Variants in RNPS1 observed in about 807,000 individuals in gnomAD.
RNPS1 encodes the protein RNA-binding protein with serine-rich domain 1.
For synonymous variants in RNPS1, 147 were observed against 150.0 expected (o/e 0.98, Z 0.15); for missense variants, 300 against 427.6 (o/e 0.70, Z 2.63).
chr16:2,262,077 T>A lies in RNPS1; in HGVS notation c.676+201A>T, dbSNP rs1382753359. 16 of 512,466 alleles carry A rather than the reference T, an allele frequency of 3.1e-5. No homozygotes were observed. The East Asian group carries it at 4.5e-4, about 15-fold the overall frequency. 31.7% of individuals were successfully genotyped at this position (512,466 alleles called of 1,614,324 possible). On this transcript the variant is annotated intron_variant, in intron 6 of 7. Coordinates refer to ENST00000320225, the MANE Select transcript of RNPS1 (RefSeq NM_080594.4). The stretch of plus-strand genomic sequence containing the variant: ...ATAAAAACTCCACCTACTCAGTTAA[T>A]GTGCATCTTGTTATTGGGCCATGAG...
intron 1 of RNPS1, chr16:2,267,000 C>T (rs1437375661): frequency 4.3e-5 from 12 of 281,140 alleles, no homozygotes; most frequent in Non-Finnish European, 6.5e-5. Flanking sequence ...GAGGTCACAC[C>T]CGCAGATTCC....
chr16:2,263,339 A>G (rs1567327289), intron 3 of RNPS1, 52 bp from the exon 4 acceptor site: 1 of 1,575,262 alleles, frequency 6.3e-7, no homozygotes, highest in Non-Finnish European at 8.7e-7. Flanking sequence ...CTCACAGTAC[A>G]GACGCCTCCT....
At position 2,264,168 on chromosome 16, in the gene RNPS1, C is replaced by A; in HGVS notation, c.227+8G>T. The A allele has an allele frequency of 6.2e-7, 1 of 1,612,504 alleles. No individual in the cohort carries two copies. The highest frequency in any genetic ancestry group is 8.5e-7 in the Non-Finnish European group (1 of 1,180,008). ...GTCCTCTCCAGGCTCCAGGCCAGCC[C>A]GCCCCACCTGGTACTGCTGCTACCA... On this transcript the variant is annotated splice_region_variant and intron_variant, in intron 3 of 7. Coordinates refer to ENST00000320225, the MANE Select transcript of RNPS1 (RefSeq NM_080594.4).
chr16:2,266,461 T>G (rs2093625636), intron 1 of RNPS1: 1 of 960,912 alleles, frequency 1.0e-6, no homozygotes, highest in Non-Finnish European at 1.2e-6. Context: ...GGTTTTACTG[T>G]GTGATTTTAG....
At chr16:2,262,536 C>T (rs907413044) in intron 5 of RNPS1, 105 bp from the exon 6 acceptor site, 21 of 1,219,994 alleles carry the variant, frequency 1.7e-5, no homozygotes, top group Non-Finnish European at 2.4e-5. Flanking sequence ...GTAAAACATT[C>T]CATCTGATGA....
chr16:2,268,060 C>G lies in RNPS1; in HGVS notation c.-123G>C. On this transcript the variant is annotated 5_prime_UTR_variant, in exon 1 of 8. Coordinates refer to ENST00000320225, the MANE Select transcript of RNPS1 (RefSeq NM_080594.4). ...CGGATTCCGCCCCAACTTACATCTT[C>G]CCGCCGCCGCCACCTCCTCCTGCTT... 6.5e-7 allele frequency: 1 copy of G among 1,534,984 alleles called. No homozygotes were observed. The highest frequency in any genetic ancestry group is 8.7e-7 in the Non-Finnish European group (1 of 1,146,648).
chr16:2,260,722 T>C (rs2093599693), intron 6 of RNPS1, among the ~76,000 whole-genome samples: 1 of 152,232 alleles, frequency 6.6e-6, no homozygotes, highest in Admixed American at 6.5e-5. Flanking sequence ...GAAAAAATTA[T>C]GGTTCTTGCT....
Position 2,264,189 on chromosome 16 carries a change from T to C in RNPS1, c.214A>G (p.Ser72Gly). 2 of 1,613,202 alleles carry C rather than the reference T, an allele frequency of 1.2e-6. No individual in the cohort carries two copies. Among genetic ancestry groups the C allele is most frequent in the Non-Finnish European group, 1.7e-6 (2 of 1,180,034 alleles). Residue 72 changes from serine (S) to glycine (G), a missense_variant, in exon 3 of 8, where the codon AGC becomes GGC. Transcript: ENST00000320225. ...TRKRRSASSG[S>G]SSTRSRSSST... Reference sequence around the variant, plus strand: ...AGCCCGCCCCACCTGGTACTGCTGCTACCACTGGAAGCGCTGCGCCTCTTT... The same window carrying C: ...AGCCCGCCCCACCTGGTACTGCTGCCACCACTGGAAGCGCTGCGCCTCTTT...
intron 1 of RNPS1, chr16:2,266,057 G>T: frequency 1.1e-6 from 1 of 941,948 alleles, no homozygotes; most frequent in Non-Finnish European, 1.3e-6. Flanking sequence ...ACAAGCTGCA[G>T]GAGTTGTTAA....
In RNPS1 at chr16:2,253,821, T is replaced by C. The variant is rs2093563157; in HGVS notation, c.*143A>G. On this transcript the variant is annotated 3_prime_UTR_variant, in exon 8 of 8. Transcript: ENST00000320225. ...AGCACTTCTGCAGCCGGGGCCCGGCTGGCAGAGGGGTGCTGCCTGCTGCCT... is the reference window on the plus strand; with the variant it reads ...AGCACTTCTGCAGCCGGGGCCCGGCCGGCAGAGGGGTGCTGCCTGCTGCCT... 5.3e-6 allele frequency: 4 copies of C among 761,550 alleles called. No individual in the cohort carries two copies. The Admixed American group carries it at 6.0e-5, about 11-fold the overall frequency. The allele number at this position is 761,550 out of a possible 1,614,324, so 47.2% of individuals were successfully genotyped here.
At chr16:2,264,845 A>G in intron 1 of RNPS1, 85 bp from the exon 2 acceptor site, 1 of 1,175,264 alleles carries the variant, frequency 8.5e-7, no homozygotes, top group Non-Finnish European at 1.1e-6. Context: ...GAGCACACAA[A>G]AAGGCAGCAA....
chr16:2,255,849 C>T (rs1325710772), intron 6 of RNPS1, 123 bp from the exon 7 acceptor site: 6 of 1,114,302 alleles, frequency 5.4e-6, no homozygotes, highest in African/African-American at 3.1e-5. Context: ...GAAACAGGGC[C>T]GGGCATGGTG....
intron 1 of RNPS1, chr16:2,265,348 TA>T (rs1455422452): frequency 6.6e-6 from 1 of 152,248 alleles, no homozygotes; most frequent in African/African-American, 2.4e-5. Flanking sequence ...TGTACTTTAA[TA>T]ATATGCATAT....
At chr16:2,267,659 T>C (rs536960161) in intron 1 of RNPS1, 208 of 1,120,914 alleles carry the variant, frequency 1.9e-4, no homozygotes, top group Non-Finnish European at 2.2e-4. Flanking sequence ...CCGCGTTCAC[T>C]CACAACTCCC....
intron 6 of RNPS1, 81 bp from the exon 7 acceptor site, chr16:2,255,807 TGG>T: frequency 7.0e-7 from 1 of 1,430,982 alleles, no homozygotes; most frequent in Non-Finnish European, 9.7e-7. Context: ...AAGACAGGCC[TGG>T]GGGGACAATG....
chr16:2,260,897 G>A (rs978932671), intron 6 of RNPS1, among the ~76,000 whole-genome samples: 4 of 152,188 alleles, frequency 2.6e-5, no homozygotes, highest in Admixed American at 6.5e-5. Context: ...TTGGGAGGCC[G>A]AGGCAGGCGG....
Position 2,264,254 on chromosome 16 carries a change from T to A in RNPS1, c.149A>T (p.Lys50Met), listed in dbSNP as rs1479272154. Residue 50 changes from lysine to methionine, a missense_variant, in exon 3 of 8, where the codon AAG becomes ATG. Coordinates refer to ENST00000320225, the MANE Select transcript of RNPS1 (RefSeq NM_080594.4). ...KDRSKDKGATKESSEKDRGRD... is the reference protein window; with the variant it reads ...KDRSKDKGATMESSEKDRGRD... Reference sequence around the variant, plus strand: ...GCCGCGATCCTTCTCACTCGACTCCTTGGTGGCCCCTTTATCTTTTGAGCG... The same window carrying A: ...GCCGCGATCCTTCTCACTCGACTCCATGGTGGCCCCTTTATCTTTTGAGCG... The A allele has an allele frequency of 1.9e-6, 3 of 1,614,214 alleles. No homozygotes were observed. Among genetic ancestry groups the A allele is most frequent in the African/African-American group, 2.7e-5 (2 of 75,048 alleles).
chr16:2,267,473 C>T, intron 1 of RNPS1: 1 of 980,798 alleles, frequency 1.0e-6, no homozygotes, highest in Non-Finnish European at 1.2e-6. Context: ...CATAGTGGGC[C>T]GTATCCCCAC....
At chr16:2,260,418 T>C (rs553892145) in intron 6 of RNPS1, among the ~76,000 whole-genome samples, 81 of 152,250 alleles carry the variant, frequency 5.3e-4, no homozygotes, top group African/African-American at 1.8e-3. Flanking sequence ...AGTCTATTTG[T>C]ACGTATTCTT....
Sources: gnomAD v4.1 joint callset for allele counts (sites outside exome capture counted in the v4.1 genomes callset) on GRCh38, gnomAD v4.1.1 for gene constraint, MANE v1.5 for transcripts, NCBI Gene and HGNC (gene_info 2026-07-23, HGNC 2026-07-21) for gene names.